The following SLFN11 variants were observed in gnomAD, a reference collection of about 807,000 sequenced individuals.
The protein encoded by SLFN11 is schlafen family member 11.
In SLFN11, 43 loss-of-function variants were observed where a neutral mutation model predicts 53.4. The ratio of observed to expected loss-of-function variants is 0.80; its 90% CI spans 0.63 to 1.04. The LOEUF is 1.04. SLFN11 is among the 50% of genes least tolerant of loss of function. The pLI is 0.00. For missense variants in SLFN11, 990 were observed against 1,079.1 expected (o/e 0.92, Z 1.16); for synonymous variants, 389 against 394.7 (o/e 0.99, Z 0.17).
Position 35,353,937 on chromosome 17 carries a change from A to G in SLFN11, c.1321T>C (p.Phe441Leu), listed in dbSNP as rs199673490. ...MQPFFRGILI[F>L]SRSWAVDLNL... is the part of the protein sequence containing the mutation. ...AGGTCCACAGCCCAACTTCTAGAGA[A>G]GATCAAAATTCCCCGAAAGAAAGGT... Residue 441 changes from phenylalanine (F) to leucine (L), a missense_variant, in exon 6 of 7, where the codon TTC (phenylalanine) becomes CTC (leucine). Coordinates refer to ENST00000685675, the MANE Select transcript of SLFN11 (RefSeq NM_001376007.1). The G allele has an allele frequency of 2.0e-4, 324 of 1,613,904 alleles. 3 individuals are homozygous for G. The highest frequency in any genetic ancestry group is 3.7e-4 in the Admixed American group (22 of 59,986).
At chr17:35,365,168 G>T (rs545639952) in intron 3 of SLFN11, among the ~76,000 whole-genome samples, 9 of 152,250 alleles carry the variant, frequency 5.9e-5, no homozygotes, top group African/African-American at 2.2e-4. Flanking sequence ...ATGGGCAAAG[G>T]TAGGCTTATC....
intron 5 of SLFN11, among the ~76,000 whole-genome samples, chr17:35,358,502 A>G (rs536925549): frequency 6.6e-6 from 1 of 151,502 alleles, no homozygotes; most frequent in African/African-American, 2.4e-5. Context: ...AATGCCTGTA[A>G]TCTCTCCCAA....
At chr17:35,364,531 T>C (rs1908701259) in intron 3 of SLFN11, among the ~76,000 whole-genome samples, 4 of 152,076 alleles carry the variant, frequency 2.6e-5, no homozygotes, top group African/African-American at 7.2e-5. Context: ...TTGGTGACTT[T>C]GAAAAATGCT....
chr17:35,352,218 G>A lies in SLFN11; in HGVS notation c.*138C>T, dbSNP rs1437481841. 8.8e-7 allele frequency: 1 copy of A among 1,131,778 alleles called. No homozygotes were observed. The highest frequency in any genetic ancestry group is 1.6e-5 in the African/African-American group (1 of 63,988). The allele number at this position is 1,131,778 out of a possible 1,614,324, so 70.1% of individuals were successfully genotyped here. On this transcript the variant is annotated 3_prime_UTR_variant, in exon 7 of 7. Coordinates refer to ENST00000685675, the MANE Select transcript of SLFN11 (RefSeq NM_001376007.1). Reference sequence around the variant, plus strand: ...TGGGGAAGGAACCCCTGAAAGGAGAGCCAGAAATGGGGGAGCTCCAAACTC... The same window carrying A: ...TGGGGAAGGAACCCCTGAAAGGAGAACCAGAAATGGGGGAGCTCCAAACTC...
chr17:35,354,571 A>C (rs1907232268), intron 5 of SLFN11, among the ~76,000 whole-genome samples: 1 of 152,154 alleles, frequency 6.6e-6, no homozygotes, highest in South Asian at 2.1e-4. Flanking sequence ...CTTTGTTGGC[A>C]GCGAATTTCC....
chr17:35,357,269 T>C (rs948248153), intron 5 of SLFN11, among the ~76,000 whole-genome samples: 1 of 151,844 alleles, frequency 6.6e-6, no homozygotes, highest in Non-Finnish European at 1.5e-5. Context: ...TTTCTACTGG[T>C]CATGGTCATT....
In SLFN11 at chr17:35,363,220, T is replaced by A. The variant is rs1052808847; in HGVS notation, c.588A>T (p.Lys196Asn). 6.2e-7 allele frequency: 1 copy of A among 1,614,082 alleles called. No individual in the cohort carries two copies. ...GGATTTCACCATATTCAAGATAGTC[T>A]TTTTGGAAAATTAGGTCAGCAGGAT... is the stretch of plus-strand genomic sequence containing the variant. The part of the protein sequence containing the change: ...NSDPADLIFQ[K>N]DYLEYGEILP... The change falls in exon 4 of 7, where the codon AAA (lysine) becomes AAT (asparagine). Residue 196 changes from lysine (K) to asparagine (N), a missense_variant. Transcript: ENST00000685675.
At chr17:35,363,890 G>A (rs1908611311) in intron 3 of SLFN11, 64 bp from the exon 4 acceptor site, 1 of 1,292,230 alleles carries the variant, frequency 7.7e-7, no homozygotes, top group African/African-American at 1.5e-5. Flanking sequence ...TTTATTTTGT[G>A]TCTAATATGT....
chr17:35,370,713 C>T (rs1003004939), intron 1 of SLFN11, among the ~76,000 whole-genome samples: 131 of 151,604 alleles, frequency 8.6e-4, no homozygotes, highest in African/African-American at 3.1e-3. Flanking sequence ...TAAAGTAATC[C>T]CACTTACAAT....
chr17:35,362,084 T>C (rs1338716988), intron 4 of SLFN11, among the ~76,000 whole-genome samples: 4 of 152,106 alleles, frequency 2.6e-5, no homozygotes, highest in Non-Finnish European at 5.9e-5. Context: ...GATGGTTTAA[T>C]AAACAGATCT....
At chr17:35,362,653 A>G (rs1908372310) in intron 4 of SLFN11, 86 bp downstream of exon 4, 1 of 1,074,472 alleles carries the variant, frequency 9.3e-7, no homozygotes, top group African/African-American at 1.6e-5. Context: ...AAGATGTTCA[A>G]AGTCATAGGC....
Position 35,362,962 on chromosome 17 carries a change from AG to A in SLFN11, c.845del (p.Pro282LeufsTer12), listed in dbSNP as rs765442959. ...RKIEQAIYKL[P>X]CVHFCQPQRP... ...GTTGGGGTTGGCAAAAATGAACACA[AG>A]GTAGTTTGTATATGGCTTGTTCTAT... On this transcript the variant is annotated frameshift_variant, in exon 4 of 7. Coordinates refer to ENST00000685675, the MANE Select transcript of SLFN11 (RefSeq NM_001376007.1). LOFTEE classifies it high-confidence loss of function. 5 of 1,613,684 alleles carry A rather than the reference AG, an allele frequency of 3.1e-6. No homozygotes were observed. The African/African-American group carries it at 5.3e-5, about 17-fold the overall frequency.
At chr17:35,360,409 T>C (rs749331077) in intron 4 of SLFN11, 38 bp from the exon 5 acceptor site, 6 of 1,573,864 alleles carry the variant, frequency 3.8e-6, no homozygotes, top group Non-Finnish European at 5.2e-6. Context: ...GACGTGTTAA[T>C]CTCTTCATAC....
chr17:35,362,985 C>G lies in SLFN11; in HGVS notation c.823G>C (p.Glu275Gln). 2 of 1,613,898 alleles carry G rather than the reference C, an allele frequency of 1.2e-6. No homozygotes were observed. The highest frequency in any genetic ancestry group is 2.2e-5 in the East Asian group (1 of 44,876). ...VDPDSLRRKI[E>Q]QAIYKLPCVH... ...CAAGGTAGTTTGTATATGGCTTGTT[C>G]TATTTTCCTTCTCAAAGAGTCAGGG... The change falls in exon 4 of 7, where the codon GAA becomes CAA. Residue 275 changes from glutamate to glutamine, a missense_variant. Around this residue, in one of 3 missense-constraint regions of SLFN11, gnomAD observed 521 missense variants for 516.2 expected, o/e 1.01. Transcript: ENST00000685675.
At position 35,351,004 on chromosome 17, in the gene SLFN11, A is replaced by C. The variant is rs1257734324; in HGVS notation, c.*1352T>G. Reference sequence around the variant, plus strand: ...ATCAGTGTTTTCTGTTTGACAAATAATCGTACAGCTGTGTTCTCAGGCTGC... The same window carrying C: ...ATCAGTGTTTTCTGTTTGACAAATACTCGTACAGCTGTGTTCTCAGGCTGC... On this transcript the variant is annotated 3_prime_UTR_variant, in exon 7 of 7. Transcript: ENST00000685675. 1 of 152,260 alleles carries C rather than the reference A, an allele frequency of 6.6e-6. No individual in the cohort carries two copies. The highest frequency in any genetic ancestry group is 1.9e-4 in the East Asian group (1 of 5,208). 9.4% of individuals were successfully genotyped at this position (152,260 alleles called of 1,614,324 possible).
chr17:35,365,650 A>G (rs903764423), intron 3 of SLFN11, among the ~76,000 whole-genome samples: 1 of 152,162 alleles, frequency 6.6e-6, no homozygotes, highest in African/African-American at 2.4e-5. Context: ...ATTATAAAGA[A>G]CAAGAAAGAT....
Position 35,353,470 on chromosome 17 carries a change from A to G in SLFN11, c.1788T>C (p.Phe596=). The stretch of plus-strand genomic sequence containing the variant: ...TCCCTGAGCCAGGTAAGCCGTGGAC[A>G]AACAACTCTCTGTTCTTGCGGAGGC... ...SRSLRKNREL[F]VHGLPGSGKT... Residue 596 remains phenylalanine (F), a synonymous_variant, in exon 6 of 7, where the codon TTT becomes TTC. Coordinates refer to ENST00000685675, the MANE Select transcript of SLFN11 (RefSeq NM_001376007.1). 6.3e-7 allele frequency: 1 copy of G among 1,593,860 alleles called. No individual in the cohort carries two copies. The highest frequency in any genetic ancestry group is 8.5e-7 in the Non-Finnish European group (1 of 1,169,874).
chr17:35,361,439 G>A (rs745951175), intron 4 of SLFN11, among the ~76,000 whole-genome samples: 2 of 151,944 alleles, frequency 1.3e-5, no homozygotes, highest in Non-Finnish European at 2.9e-5. Flanking sequence ...CCCTACCCCC[G>A]TGACCCTCAT....
chr17:35,356,259 G>A (rs72825955), intron 5 of SLFN11, among the ~76,000 whole-genome samples: 1,799 of 151,982 alleles, frequency 0.012, 18 homozygotes, highest in Non-Finnish European at 0.019. Context: ...CTTAATATCT[G>A]GATTCTAATT....
Sources: allele counts gnomAD v4.1 joint callset (sites outside exome capture counted in the v4.1 genomes callset), GRCh38; gene constraint gnomAD v4.1.1; regional missense constraint gnomAD v4.1.1; transcripts MANE v1.5; gene names NCBI Gene and HGNC (gene_info 2026-07-23, HGNC 2026-07-21).